The following ACBD6 variants were observed in gnomAD, a reference collection of about 807,000 sequenced individuals.
ACBD6 encodes acyl-CoA-binding domain-containing protein 6.
A neutral mutation model predicts 37.2 loss-of-function variants in ACBD6; 28 were observed. The observed-to-expected ratio is 0.75, with a 90% CI of 0.56 to 1.03. ACBD6 has a LOEUF of 1.03. Among genes scored for constraint, ACBD6 ranks in the 50% least tolerant of loss-of-function variants. The probability of loss-of-function intolerance (pLI) is 0.00; values close to 1 mark genes in which losing one functional copy is unlikely to be tolerated. For missense variants in ACBD6, 340 were observed against 337.4 expected, an observed-to-expected ratio of 1.01 and a Z score of -0.06; for synonymous variants, 113 against 126.8, an observed-to-expected ratio of 0.89 and a Z score of 0.73.
chr1:180,379,746 C>G (rs778623330), intron 6 of ACBD6, among the ~76,000 whole-genome samples: 1 of 152,054 alleles, frequency 6.6e-6, no homozygotes, highest in Admixed American at 6.6e-5. Context: ...ATGAGTAAAA[C>G]CTTTGTGACA....
At chr1:180,382,084 C>T (rs1466095752) in intron 6 of ACBD6, among the ~76,000 whole-genome samples, 3 of 146,778 alleles carry the variant, frequency 2.0e-5, no homozygotes, top group African/African-American at 5.0e-5. Context: ...CACTGCACTC[C>T]AGCCTGGGTG....
At chr1:180,377,734 G>T (rs1158894071) in intron 6 of ACBD6, among the ~76,000 whole-genome samples, 1 of 152,044 alleles carries the variant, frequency 6.6e-6, no homozygotes, top group Admixed American at 6.6e-5. Context: ...GATCACCTGA[G>T]GTCGGGAGTT....
chr1:180,376,484 G>A (rs1250264178), intron 6 of ACBD6, among the ~76,000 whole-genome samples: 1 of 152,160 alleles, frequency 6.6e-6, no homozygotes, highest in Non-Finnish European at 1.5e-5. Context: ...CCACATAAGG[G>A]AGTACTATGC....
downstream of ACBD6, among the ~76,000 whole-genome samples, chr1:180,284,349 A>C (rs1649402865): frequency 6.6e-6 from 1 of 152,002 alleles, no homozygotes; most frequent in Non-Finnish European, 1.5e-5. Flanking sequence ...ATGATTACGA[A>C]AGATGGTATT....
At chr1:180,383,820 G>C (rs1248292640) in intron 6 of ACBD6, among the ~76,000 whole-genome samples, 2 of 152,112 alleles carry the variant, frequency 1.3e-5, no homozygotes, top group Non-Finnish European at 2.9e-5. Context: ...TATAAAAACA[G>C]ACACACAGAC....
chr1:180,482,374 G>A (rs1050064140), intron 3 of ACBD6, among the ~76,000 whole-genome samples: 8 of 152,046 alleles, frequency 5.3e-5, no homozygotes, highest in African/African-American at 1.9e-4. Context: ...TCCCATCTAT[G>A]CTATTTTTCT....
intron 8 of ACBD6, among the ~76,000 whole-genome samples, chr1:180,282,973 T>TG (rs1649357373): frequency 5.0e-4 from 3 of 6,024 alleles, no homozygotes; most frequent in East Asian, 0.028. Context: ...TGTCTTTCTG[T>TG]TTTTTTTTTT....
chr1:180,379,225 A>G (rs74132803), intron 6 of ACBD6, among the ~76,000 whole-genome samples: 6,427 of 152,244 alleles, frequency 0.042, 424 homozygotes, highest in African/African-American at 0.14. Flanking sequence ...TACCTACCCA[A>G]CACCATAGAT....
chr1:180,354,550 C>T (rs180924529), intron 6 of ACBD6, among the ~76,000 whole-genome samples: 35 of 152,058 alleles, frequency 2.3e-4, no homozygotes, highest in Middle Eastern at 3.4e-3. Flanking sequence ...TTTCCTGGGT[C>T]TCCTAAAAAA....
chr1:180,320,493 GCC>G (rs924680781), intron 6 of ACBD6, among the ~76,000 whole-genome samples: 2 of 151,952 alleles, frequency 1.3e-5, no homozygotes, highest in Admixed American at 1.3e-4. Context: ...AAAAAAATTA[GCC>G]ACGCACAGTG....
intron 9 of ACBD6, chr1:180,278,995 TCTTG>T (rs1299950444): frequency 6.6e-6 from 1 of 152,196 alleles, no homozygotes; most frequent in Non-Finnish European, 1.5e-5. Flanking sequence ...TGCTGATGTG[TCTTG>T]CTTTTCATTT....
chr1:180,461,657 C>G lies in ACBD6; in HGVS notation c.384+30612G>C, dbSNP rs375478576. On this transcript the variant is annotated intron_variant, in intron 3 of 7. Transcript: ENST00000367595. ...TTCCAACCTAGAATTTCATATCCAACCAAACTAAGCTTCATAAGCAAAGGA... is the reference window on the plus strand; with the variant it reads ...TTCCAACCTAGAATTTCATATCCAAGCAAACTAAGCTTCATAAGCAAAGGA... Among the ~76,000 whole-genome samples the G allele has an allele frequency of 2.0e-5, 3 of 152,144 alleles. No individual in the cohort carries two copies. The East Asian group carries it at 5.8e-4, about 29-fold the overall frequency.
intron 3 of ACBD6, among the ~76,000 whole-genome samples, chr1:180,453,834 G>C (rs1340628222): frequency 6.6e-6 from 1 of 152,096 alleles, no homozygotes; most frequent in Non-Finnish European, 1.5e-5. Context: ...TAACTTACAA[G>C]GGATGTGAAG....
At chr1:180,343,559 A>G (rs1412470507) in intron 6 of ACBD6, among the ~76,000 whole-genome samples, 1 of 152,190 alleles carries the variant, frequency 6.6e-6, no homozygotes, top group Admixed American at 6.5e-5. Context: ...ACTCCTCTTT[A>G]TAAGTTTAAG....
chr1:180,436,841 A>C (rs1406492419), intron 3 of ACBD6, among the ~76,000 whole-genome samples: 1 of 152,206 alleles, frequency 6.6e-6, no homozygotes, highest in Non-Finnish European at 1.5e-5. Flanking sequence ...CAAAATAATA[A>C]AGGCCATATA....
chr1:180,318,167 C>CG (rs574276053), intron 6 of ACBD6, among the ~76,000 whole-genome samples: 13 of 80,284 alleles, frequency 1.6e-4, no homozygotes, highest in Admixed American at 5.2e-4. Context: ...ATCTCCGCCC[C>CG]CCCCCCCCAA....
rs140090134 is a variant in ACBD6, at chr1:180,423,167, T to C, written c.467+7013A>G. 3.6e-3 allele frequency among the ~76,000 whole-genome samples: 548 copies of C among 152,350 alleles called. 8 individuals carry two copies. Among genetic ancestry groups the C allele is most frequent in the African/African-American group, 0.012 (512 of 41,586 alleles). ...AATTTTTTGGATATTTTAGGCTACA[T>C]AGTTCATCTGCAAGTGTTTTCAAAT... On this transcript the variant is annotated intron_variant, in intron 4 of 7. Coordinates refer to ENST00000367595, the MANE Select transcript of ACBD6 (RefSeq NM_032360.4).
intron 3 of ACBD6, among the ~76,000 whole-genome samples, chr1:180,433,961 C>A (rs558905706): frequency 4.3e-4 from 66 of 152,146 alleles, no homozygotes; most frequent in African/African-American, 1.5e-3. Context: ...GGGTGGCATG[C>A]CCAGAGAGAT....
At chr1:180,338,483 A>C (rs1448584318) in intron 6 of ACBD6, among the ~76,000 whole-genome samples, 1 of 152,256 alleles carries the variant, frequency 6.6e-6, no homozygotes, top group Non-Finnish European at 1.5e-5. Context: ...ATATGTAGAA[A>C]GCTGAAACTG....
Sources: allele counts gnomAD v4.1 joint callset (sites outside exome capture counted in the v4.1 genomes callset), GRCh38; gene constraint gnomAD v4.1.1; transcripts MANE v1.5; gene names NCBI Gene and HGNC (gene_info 2026-07-23, HGNC 2026-07-21).